The following EPG5 variants were observed in gnomAD, a reference collection of about 807,000 sequenced individuals.
EPG5 encodes the protein ectopic P-granules 5 autophagy tethering factor, also known as ectopic P granules protein 5 homolog.
EPG5 carries 159 observed loss-of-function variants against 302.7 expected under a neutral mutation model. That is an observed-to-expected ratio of 0.53 (90% CI 0.46 to 0.60). EPG5 has a LOEUF of 0.60. Among genes scored for constraint, EPG5 ranks in the 20% least tolerant of loss-of-function variants. The pLI is 0.00. For synonymous variants in EPG5, 1,158 were observed against 1,136.8 expected, an observed-to-expected ratio of 1.02 and a Z score of -0.37; for missense variants, 2,896 against 3,092.4, an observed-to-expected ratio of 0.94 and a Z score of 1.51.
rs2049018564 is a variant in EPG5 at position 45,878,441 on chromosome 18, T to C, written c.5877A>G (p.Lys1959=). 3 of 1,610,654 alleles carry C rather than the reference T, an allele frequency of 1.9e-6. No homozygotes were observed. Among genetic ancestry groups the C allele is most frequent in the African/African-American group, 2.7e-5 (2 of 74,852 alleles). The change falls in exon 34 of 44, where the codon AAA becomes AAG. Residue 1959 remains lysine, a synonymous_variant. Coordinates refer to ENST00000282041, the MANE Select transcript of EPG5 (RefSeq NM_020964.3). ...DPTASRKTVL[K]SLHSVIIQLF... ...GCTGAATGATTACTGAATGTAGGGATTTCAGCACTAAAAAGTTTTAGAGAC... is the reference window on the plus strand; with the variant it reads ...GCTGAATGATTACTGAATGTAGGGACTTCAGCACTAAAAAGTTTTAGAGAC...
intron 30 of EPG5, 117 bp downstream of exon 30, chr18:45,884,500 C>G: frequency 1.1e-6 from 1 of 894,360 alleles, no homozygotes. Context: ...AAAAAGGCCT[C>G]TCAGCCTCTG....
the EPG5 span, among the ~76,000 whole-genome samples, chr18:45,821,625 AC>A: frequency 1.3e-5 from 2 of 152,196 alleles, no homozygotes; most frequent in Non-Finnish European, 2.9e-5. Flanking sequence ...TCAAGCTAAA[AC>A]CTTCTGCATA....
In EPG5 at chr18:45,867,694, C is replaced by G. The variant is rs778298437; in HGVS notation, c.6280G>C (p.Glu2094Gln). The G allele has an allele frequency of 2.5e-6, 4 of 1,614,118 alleles. No homozygotes were observed. Among genetic ancestry groups the G allele is most frequent in the Non-Finnish European group, 3.4e-6 (4 of 1,180,004 alleles). ...CFLFLGSVLCEVNWVSVLSDA... is the reference protein window; with the variant it reads ...CFLFLGSVLCQVNWVSVLSDA... ...GAGAGCACACTAACCCAGTTGACTT[C>G]ACAGAGTACAGACCCCAAAAATAAG... Residue 2094 changes from glutamate to glutamine, a missense_variant, in exon 37 of 44, where the codon GAA (glutamate) becomes CAA (glutamine). Physicochemically the swap from Glu to Gln is conservative, Grantham distance 29. Transcript: ENST00000282041.
chr18:45,924,394 T>C (rs959708463), intron 14 of EPG5, among the ~76,000 whole-genome samples: 1 of 152,220 alleles, frequency 6.6e-6, no homozygotes, highest in East Asian at 1.9e-4. Flanking sequence ...GATGAATCTA[T>C]GGGCAGTCCC....
the EPG5 span, among the ~76,000 whole-genome samples, chr18:45,801,984 C>T: frequency 0.03 from 4,490 of 151,976 alleles, 150 homozygotes; most frequent in African/African-American, 0.082. Flanking sequence ...GCTCTGATGG[C>T]GGAAGGGTTG....
chr18:45,964,557 G>A (rs572597221), intron 1 of EPG5, among the ~76,000 whole-genome samples: 1 of 151,408 alleles, frequency 6.6e-6, no homozygotes, highest in South Asian at 2.1e-4. Flanking sequence ...TTTTCCTGTA[G>A]TCTCATCGTT....
At position 45,955,144 on chromosome 18, in the gene EPG5, G is replaced by A; in HGVS notation, c.258C>T (p.Thr86=). Residue 86 remains threonine, a synonymous_variant, in exon 2 of 44, where the codon ACC becomes ACT. Coordinates refer to ENST00000282041, the MANE Select transcript of EPG5 (RefSeq NM_020964.3). ...NESEMFDVPL[T]SLTISNEESL... ...ACTCTTCATTGCTTATAGTTAAGGA[G>A]GTGAGTGGTACATCAAACATTTCAC... 1.2e-6 allele frequency: 2 copies of A among 1,614,108 alleles called. No homozygotes were observed. The highest frequency in any genetic ancestry group is 1.7e-6 in the Non-Finnish European group (2 of 1,180,002).
intron 30 of EPG5, among the ~76,000 whole-genome samples, chr18:45,883,259 T>C (rs2049138801): frequency 6.6e-6 from 1 of 152,156 alleles, no homozygotes; most frequent in Non-Finnish European, 1.5e-5. Flanking sequence ...TCTCCTTCAC[T>C]GGCGACAGTG....
At chr18:45,828,214 C>T in the EPG5 span, among the ~76,000 whole-genome samples, 1 of 152,296 alleles carries the variant, frequency 6.6e-6, no homozygotes, top group South Asian at 2.1e-4. Context: ...GCCCGCCAGT[C>T]GTGGTCCCTT....
chr18:45,929,115 G>T, intron 12 of EPG5, 106 bp from the exon 13 acceptor site: 1 of 1,166,148 alleles, frequency 8.6e-7, no homozygotes, highest in Non-Finnish European at 1.2e-6. Context: ...CTTACATTGA[G>T]CCTTAATTGA....
intron 7 of EPG5, among the ~76,000 whole-genome samples, chr18:45,944,358 G>A (rs1338695139): frequency 6.6e-6 from 1 of 152,158 alleles, no homozygotes; most frequent in African/African-American, 2.4e-5. Context: ...GCAAGTGATT[G>A]AAACTGCTCT....
intron 35 of EPG5, among the ~76,000 whole-genome samples, chr18:45,874,775 C>G (rs1303871935): frequency 1.3e-5 from 2 of 152,188 alleles, no homozygotes; most frequent in Admixed American, 6.5e-5. Context: ...CACTCTATAA[C>G]TAAATGCCAC....
chr18:45,962,776 T>G (rs2051177076), intron 1 of EPG5, among the ~76,000 whole-genome samples: 1 of 152,224 alleles, frequency 6.6e-6, no homozygotes, highest in African/African-American at 2.4e-5. Flanking sequence ...CAAATTATAC[T>G]ATAGATGGTA....
At chr18:45,948,613 CAAAT>C (rs1164406447) in intron 5 of EPG5, 37 bp from the exon 6 acceptor site, 3 of 1,518,938 alleles carry the variant, frequency 2.0e-6, no homozygotes, top group African/African-American at 1.4e-5. Context: ...CTGTAGAAAA[CAAAT>C]AACCCAAGTG....
At chr18:45,919,849 G>A (rs1242163480) in intron 16 of EPG5, among the ~76,000 whole-genome samples, 1 of 152,170 alleles carries the variant, frequency 6.6e-6, no homozygotes, top group African/African-American at 2.4e-5. Context: ...CATAAAGTAA[G>A]TTTGGTGTTA....
chr18:45,838,005 G>A, the EPG5 span: 7 of 1,321,016 alleles, frequency 5.3e-6, no homozygotes, highest in Non-Finnish European at 6.9e-6. Flanking sequence ...GAAGGGCAAC[G>A]AGACCCAGCC....
At position 45,874,572 on chromosome 18, in the gene EPG5, G is replaced by C. The variant is rs1443720016; in HGVS notation, c.6049+1664C>G. Among the ~76,000 whole-genome samples the C allele has an allele frequency of 2.0e-5, 3 of 152,162 alleles. 1 individual carries two copies. The South Asian group carries it at 6.2e-4, about 32-fold the overall frequency. On this transcript the variant is annotated intron_variant, in intron 35 of 43. Transcript: ENST00000282041. ...TGGCAGCAGGCAAGAGAGAGAATGA[G>C]AGCCAAGCAATACGGGAAACCCCTT...
At position 45,865,619 on chromosome 18, in the gene EPG5, C is replaced by A. The variant is rs776495551; in HGVS notation, c.6762G>T (p.Pro2254=). 2.5e-6 allele frequency: 4 copies of A among 1,613,522 alleles called. No individual in the cohort carries two copies. Among genetic ancestry groups the A allele is most frequent in the Non-Finnish European group, 3.4e-6 (4 of 1,179,798 alleles). The change falls in exon 39 of 44, where the codon CCG becomes CCT. Residue 2254 remains proline, a synonymous_variant. Transcript: ENST00000282041. Reference sequence around the variant, plus strand: ...GACTTCCGACTGGTCACTTACCGGGCGGGTTAAAGACAATGATATCGTCTA... The same window carrying A: ...GACTTCCGACTGGTCACTTACCGGGAGGGTTAAAGACAATGATATCGTCTA... ...KLLDDIIVFN[P]PDMDSQTRHM...
rs764180133 is a variant in EPG5, at chr18:45,884,683, C to G, written c.5238G>C (p.Leu1746=). ...PNAAPAEFIQ[L]YEQVVKFLSE... ...TTAGAAACTTCACCACTTGCTCATA[C>G]AGCTGTATGAACTCTGCAGGTGCAG... The change falls in exon 30 of 44, where the codon CTG becomes CTC. Residue 1746 remains leucine (L), a synonymous_variant. Coordinates refer to ENST00000282041, the MANE Select transcript of EPG5 (RefSeq NM_020964.3). 1.8e-5 allele frequency: 29 copies of G among 1,611,700 alleles called. No individual in the cohort carries two copies. Among genetic ancestry groups the G allele is most frequent in the Non-Finnish European group, 2.3e-5 (27 of 1,179,216 alleles).
Sources: allele counts gnomAD v4.1 joint callset (sites outside exome capture counted in the v4.1 genomes callset), GRCh38; gene constraint gnomAD v4.1.1; transcripts MANE v1.5; gene names NCBI Gene and HGNC (gene_info 2026-07-23, HGNC 2026-07-21).